RERG: variants seen among roughly 807,000 people sequenced by gnomAD.
RERG encodes ras-related and estrogen-regulated growth inhibitor.
Under a neutral mutation model 23.2 loss-of-function variants are expected in RERG, and 25 were observed. The observed-to-expected ratio is 1.08, with a 90% CI of 0.79 to 1.50. RERG has a LOEUF of 1.50. Ranked by LOEUF, RERG falls within the 40% of genes most tolerant of loss-of-function variation. RERG has a pLI of 0.00. For synonymous variants in RERG, 81 were observed against 89.1 expected, an observed-to-expected ratio of 0.91 and a Z score of 0.51; for missense variants, 253 against 250.1, an observed-to-expected ratio of 1.01 and a Z score of -0.08.
chr12:15,167,741 C>CT (rs925267261), intron 2 of RERG, among the ~76,000 whole-genome samples: 1 of 152,020 alleles, frequency 6.6e-6, no homozygotes, highest in Non-Finnish European at 1.5e-5. Flanking sequence ...TAAAGCATTC[C>CT]TTTTTTTGCA....
chr12:15,125,293 A>C (rs74071013), intron 2 of RERG, among the ~76,000 whole-genome samples: 2,546 of 152,142 alleles, frequency 0.017, 64 homozygotes, highest in African/African-American at 0.058. Context: ...TGTGATATGT[A>C]TATTTACCAC....
At position 15,210,547 on chromosome 12, in the gene RERG, C is replaced by T. The variant is rs183644282; in HGVS notation, c.61+6882G>A. Among the ~76,000 whole-genome samples the T allele has an allele frequency of 6.8e-4, 104 of 152,270 alleles. 1 individual carries two copies. The highest frequency in any genetic ancestry group is 2.4e-3 in the Admixed American group (37 of 15,302). On this transcript the variant is annotated intron_variant, in intron 2 of 4. Transcript: ENST00000256953. ...AACCTGCAAAGTACTTAGCCACCTACCAGTAACAATTCACTTTCATTTTTT... is the reference window on the plus strand; with the variant it reads ...AACCTGCAAAGTACTTAGCCACCTATCAGTAACAATTCACTTTCATTTTTT...
chr12:15,121,200 G>A (rs898642114), intron 2 of RERG, 81 bp from the exon 3 acceptor site: 39 of 982,194 alleles, frequency 4.0e-5, no homozygotes, highest in Middle Eastern at 2.0e-4. Flanking sequence ...AAAGCGAAAT[G>A]CTCCACACAA....
At chr12:15,217,229 T>C in intron 2 of RERG, 200 bp downstream of exon 2, 1 of 542,034 alleles carries the variant, frequency 1.8e-6, no homozygotes, top group Non-Finnish European at 3.3e-6. Flanking sequence ...GCAAAGCTAC[T>C]TCAGCATAAA....
At position 15,159,010 on chromosome 12, in the gene RERG, A is replaced by G. The variant is rs1242130826; in HGVS notation, c.62-37891T>C. Reference sequence around the variant, plus strand: ...CTTTCACTCATTAGTTTCAGCCTCCACTGGTGACTCCTGCCTGAATCAATT... The same window carrying G: ...CTTTCACTCATTAGTTTCAGCCTCCGCTGGTGACTCCTGCCTGAATCAATT... On this transcript the variant is annotated intron_variant, in intron 2 of 4. Coordinates refer to ENST00000256953, the MANE Select transcript of RERG (RefSeq NM_032918.3). 3.3e-5 allele frequency among the ~76,000 whole-genome samples: 5 copies of G among 152,186 alleles called. No individual in the cohort carries two copies. In the East Asian group the frequency reaches 5.8e-4, roughly 18 times the overall value.
At chr12:15,212,035 G>T (rs1334155883) in intron 2 of RERG, among the ~76,000 whole-genome samples, 1 of 107,954 alleles carries the variant, frequency 9.3e-6, no homozygotes, top group Non-Finnish European at 2.1e-5. Flanking sequence ...TTAGAGCCAC[G>T]AATAAACTTT....
intron 2 of RERG, among the ~76,000 whole-genome samples, chr12:15,181,553 T>C (rs760413358): frequency 2.0e-4 from 31 of 152,198 alleles, no homozygotes; most frequent in Admixed American, 9.8e-4. Context: ...ATGCTTAACC[T>C]CCCTCTCCTC....
At chr12:15,176,359 C>A (rs906427611) in intron 2 of RERG, among the ~76,000 whole-genome samples, 1 of 152,100 alleles carries the variant, frequency 6.6e-6, no homozygotes, top group African/African-American at 2.4e-5. Context: ...CATATTTCCT[C>A]GTGTTATATA....
At chr12:15,110,630 C>G (rs1189029521) in intron 4 of RERG, among the ~76,000 whole-genome samples, 1 of 151,834 alleles carries the variant, frequency 6.6e-6, no homozygotes, top group Non-Finnish European at 1.5e-5. Context: ...AGGCGCCCAC[C>G]ACCATGCCTG....
intron 3 of RERG, among the ~76,000 whole-genome samples, chr12:15,118,032 A>C (rs964036125): frequency 6.7e-6 from 1 of 149,964 alleles, no homozygotes; most frequent in South Asian, 2.2e-4. Context: ...AAATTGTTCA[A>C]TGTAAGGAAC....
chr12:15,172,844 A>G (rs1271726851), intron 2 of RERG, among the ~76,000 whole-genome samples: 1 of 152,022 alleles, frequency 6.6e-6, no homozygotes, highest in Admixed American at 6.6e-5. Flanking sequence ...TTTCATTATG[A>G]GTATGAGGGT....
intron 2 of RERG, among the ~76,000 whole-genome samples, chr12:15,146,566 G>A (rs1864336216): frequency 6.6e-6 from 1 of 152,184 alleles, no homozygotes; most frequent in Non-Finnish European, 1.5e-5. Flanking sequence ...GCTAACCTAT[G>A]CTCTCACAGC....
chr12:15,149,272 A>G (rs10846152), intron 2 of RERG, among the ~76,000 whole-genome samples: 52,163 of 152,018 alleles, frequency 0.34, 9,959 homozygotes, highest in Admixed American at 0.44. Context: ...AGACTTTTTC[A>G]TCTATTTTTT....
intron 2 of RERG, among the ~76,000 whole-genome samples, chr12:15,216,379 C>T (rs553042840): frequency 1.1e-4 from 17 of 152,176 alleles, no homozygotes; most frequent in South Asian, 2.1e-4. Context: ...AAAAGAAAAA[C>T]GAGAGACAAA....
At chr12:15,164,360 G>A (rs1025856738) in intron 2 of RERG, among the ~76,000 whole-genome samples, 1 of 152,182 alleles carries the variant, frequency 6.6e-6, no homozygotes, top group Non-Finnish European at 1.5e-5. Flanking sequence ...CTTACCACAT[G>A]AGCCTTCTCT....
intron 2 of RERG, among the ~76,000 whole-genome samples, chr12:15,186,853 G>C (rs994840330): frequency 4.6e-5 from 7 of 152,104 alleles, no homozygotes; most frequent in Non-Finnish European, 1.0e-4. Flanking sequence ...ATGGCCCTGG[G>C]GACAGCCAAT....
At chr12:15,219,321 C>A (rs1221667462) in intron 1 of RERG, among the ~76,000 whole-genome samples, 2 of 152,142 alleles carry the variant, frequency 1.3e-5, no homozygotes, top group Non-Finnish European at 2.9e-5. Flanking sequence ...TTGTTTTCTT[C>A]CTTAGGTATT....
chr12:15,159,801 G>A (rs1864578223), intron 2 of RERG, among the ~76,000 whole-genome samples: 1 of 152,172 alleles, frequency 6.6e-6, no homozygotes. Flanking sequence ...TCCAGCCTGG[G>A]CGACAGAGCA....
intron 2 of RERG, among the ~76,000 whole-genome samples, chr12:15,153,029 A>G (rs1279357922): frequency 6.6e-6 from 1 of 152,184 alleles, no homozygotes; most frequent in African/African-American, 2.4e-5. Context: ...CCTAATATTT[A>G]TGGTCTAAGA....
Sources: allele counts gnomAD v4.1 joint callset (sites outside exome capture counted in the v4.1 genomes callset), GRCh38; gene constraint gnomAD v4.1.1; transcripts MANE v1.5; gene names NCBI Gene and HGNC (gene_info 2026-07-23, HGNC 2026-07-21).